The following PIGG variants were observed in gnomAD, a reference collection of about 807,000 sequenced individuals.
PIGG encodes the protein GPI ethanolamine phosphate transferase 2, catalytic subunit.
In PIGG, 70 loss-of-function variants were observed where a neutral mutation model predicts 83.2. The observed-to-expected ratio is 0.84, with a 90% CI of 0.69 to 1.03. PIGG has a LOEUF of 1.03. PIGG is among the 50% of genes least tolerant of loss of function. The pLI is 0.00. For missense variants in PIGG, 1,257 were observed against 1,233.6 expected (o/e 1.02, Z -0.28); for synonymous variants, 532 against 519.5 (o/e 1.02, Z -0.33).
At chr4:533,786 A>C in intron 11 of PIGG, 32 bp from the exon 12 acceptor site, 1 of 1,607,780 alleles carries the variant, frequency 6.2e-7, no homozygotes, top group Non-Finnish European at 8.5e-7. Flanking sequence ...ACGTGTTGTG[A>C]GGCCTTTGTC....
chr4:524,127 G>C (rs1339695501), intron 9 of PIGG, among the ~76,000 whole-genome samples: 2 of 152,222 alleles, frequency 1.3e-5, no homozygotes, highest in Non-Finnish European at 2.9e-5. Context: ...TAGCCTAACA[G>C]GTTTCATTTA....
At chr4:538,810 G>C (rs1225901228) in intron 12 of PIGG, among the ~76,000 whole-genome samples, 1 of 152,170 alleles carries the variant, frequency 6.6e-6, no homozygotes, top group Non-Finnish European at 1.5e-5. Flanking sequence ...AGAGCTCAAG[G>C]TGTGTGTGGG....
chr4:505,601 C>A, intron 2 of PIGG, 117 bp from the exon 3 acceptor site: 2 of 693,346 alleles, frequency 2.9e-6, no homozygotes, highest in Non-Finnish European at 2.4e-6. Context: ...TGACTGCACT[C>A]CATCCTGAGC....
At chr4:512,487 A>AT (rs1560301146) in intron 5 of PIGG, among the ~76,000 whole-genome samples, 2 of 151,752 alleles carry the variant, frequency 1.3e-5, no homozygotes, top group African/African-American at 2.4e-5. Context: ...CCATTATCAT[A>AT]TTTTTTTAAC....
chr4:518,099 T>A (rs956878442), intron 6 of PIGG, among the ~76,000 whole-genome samples: 1 of 152,160 alleles, frequency 6.6e-6, no homozygotes, highest in African/African-American at 2.4e-5. Context: ...CCGGATGTGA[T>A]GAGTGTCTGG....
Position 527,250 on chromosome 4 carries a change from G to C in PIGG, c.2261+20G>C. The stretch of plus-strand genomic sequence containing the variant: ...TTCCAAGTAAGTGCGTGGCGGACAC[G>C]GGGTGCATAGAGCCACTTTACTGTT... On this transcript the variant is annotated intron_variant, in intron 10 of 12. Transcript: ENST00000453061. The C allele has an allele frequency of 1.3e-6, 2 of 1,554,702 alleles. No homozygotes were observed. Among genetic ancestry groups the C allele is most frequent in the Non-Finnish European group, 1.7e-6 (2 of 1,152,244 alleles).
intron 10 of PIGG, chr4:527,707 C>G (rs1284129340): frequency 1.0e-6 from 1 of 985,120 alleles, no homozygotes; most frequent in East Asian, 1.1e-4. Context: ...TTATAACGAG[C>G]CCCCGTAAGG....
intron 6 of PIGG, among the ~76,000 whole-genome samples, chr4:517,975 G>A (rs1724494907): frequency 6.6e-6 from 1 of 152,204 alleles, no homozygotes; most frequent in Non-Finnish European, 1.5e-5. Context: ...GAAGTAGAGG[G>A]ATACTATTAC....
intron 12 of PIGG, among the ~76,000 whole-genome samples, chr4:537,839 C>T (rs1379535569): frequency 1.3e-5 from 2 of 152,214 alleles, no homozygotes; most frequent in Non-Finnish European, 2.9e-5. Flanking sequence ...GGGCCAGAGA[C>T]AGCCCCGTCC....
intron 5 of PIGG, among the ~76,000 whole-genome samples, chr4:511,617 T>C (rs1441370135): frequency 6.6e-6 from 1 of 152,256 alleles, no homozygotes; most frequent in Non-Finnish European, 1.5e-5. Context: ...TTTTATATAA[T>C]TGCTTTTAAA....
intron 6 of PIGG, among the ~76,000 whole-genome samples, 173 bp from the exon 7 acceptor site, chr4:520,883 G>A (rs1406198548): frequency 6.6e-6 from 1 of 152,254 alleles, no homozygotes; most frequent in Non-Finnish European, 1.5e-5. Flanking sequence ...CAGCTTTACA[G>A]AAGGCGTTGC....
At position 518,313 on chromosome 4, in the gene PIGG, G is replaced by T. The variant is rs576015149; in HGVS notation, c.1114+2128G>T. Among the ~76,000 whole-genome samples the T allele has an allele frequency of 5.3e-5, 8 of 152,336 alleles. No homozygotes were observed. The South Asian group carries it at 1.5e-3, about 28-fold the overall frequency. ...AGTGATAAAAACACCAACAAAATTGGCCAGGTGTGGTGGCTCACGCCTGTC... is the reference window on the plus strand; with the variant it reads ...AGTGATAAAAACACCAACAAAATTGTCCAGGTGTGGTGGCTCACGCCTGTC... On this transcript the variant is annotated intron_variant, in intron 6 of 12. Transcript: ENST00000453061.
In PIGG at chr4:507,659, C is replaced by G. The variant is rs1720232090; in HGVS notation, c.759+66C>G. On this transcript the variant is annotated intron_variant, in intron 4 of 12. Coordinates refer to ENST00000453061, the MANE Select transcript of PIGG (RefSeq NM_001127178.3). The stretch of plus-strand genomic sequence containing the variant: ...ACGTGGATGTTCCCTAGAATAAATG[C>G]AACCGCCTGAGTTATTCAGGGTGCC... The G allele has an allele frequency of 5.2e-6, 7 of 1,356,354 alleles. No individual in the cohort carries two copies. In the South Asian group the frequency reaches 8.2e-5, roughly 16 times the overall value. 84.0% of individuals were successfully genotyped at this position (1,356,354 alleles called of 1,614,324 possible).
At chr4:529,171 C>T (rs1284625923) in intron 10 of PIGG, among the ~76,000 whole-genome samples, 2 of 152,232 alleles carry the variant, frequency 1.3e-5, no homozygotes, top group African/African-American at 2.4e-5. Context: ...TGATGCCCCT[C>T]CTGCTCATCA....
chr4:516,283 G>T, intron 6 of PIGG, 98 bp downstream of exon 6: 2 of 790,604 alleles, frequency 2.5e-6, no homozygotes, highest in Non-Finnish European at 2.2e-6. Context: ...TTTGTCACAG[G>T]AGTATTTTTT....
rs1728176541 is a variant in PIGG, at chr4:528,140, GTC to G, written c.2261+912_2261+913del. 1.0e-6 allele frequency: 1 copy of G among 985,260 alleles called. No homozygotes were observed. Among genetic ancestry groups the G allele is most frequent in the African/African-American group, 1.7e-5 (1 of 57,216 alleles). 61.0% of individuals were successfully genotyped at this position (985,260 alleles called of 1,614,324 possible). On this transcript the variant is annotated intron_variant, in intron 10 of 12. Transcript: ENST00000453061. The surrounding 1 kb of genome is among the most constrained non-coding windows in gnomAD (Gnocchi z 4.8). ...AGTGAGGTCGGTGCTCTGCAGAGGG[GTC>G]TTCTGGCTGTTAGGCAGCCTATTTT... is the stretch of plus-strand genomic sequence containing the variant.
At chr4:526,256 AC>A (rs1441783383) in intron 9 of PIGG, among the ~76,000 whole-genome samples, 4 of 152,332 alleles carry the variant, frequency 2.6e-5, no homozygotes, top group Non-Finnish European at 5.9e-5. Context: ...ACACCCAGGT[AC>A]CCCTTCCCGG....
intron 12 of PIGG, among the ~76,000 whole-genome samples, chr4:534,289 C>T (rs1013527652): frequency 1.3e-5 from 2 of 152,150 alleles, no homozygotes; most frequent in Non-Finnish European, 2.9e-5. Flanking sequence ...AAGGAAAATT[C>T]CTTTTCCCGC....
rs1719482447 is a variant in PIGG, at chr4:505,828, A to C, written c.471A>C (p.Arg157Ser). The change falls in exon 3 of 13, where the codon AGA (arginine) becomes AGC (serine). Residue 157 changes from arginine (R) to serine (S), a missense_variant. Coordinates refer to ENST00000453061, the MANE Select transcript of PIGG (RefSeq NM_001127178.3). The stretch of plus-strand genomic sequence containing the variant: ...GACAAGCAAAAGCAGCTGGAAAAAG[A>C]ATAGTCTTTTATGGAGATGAAACCT... Reference protein sequence around the residue: ...VIRQAKAAGKRIVFYGDETWV... With the variant: ...VIRQAKAAGKSIVFYGDETWV... 5 of 1,613,518 alleles carry C rather than the reference A, an allele frequency of 3.1e-6. No homozygotes were observed. Among genetic ancestry groups the C allele is most frequent in the African/African-American group, 1.3e-5 (1 of 74,842 alleles).
Sources: gnomAD v4.1 joint callset for allele counts (sites outside exome capture counted in the v4.1 genomes callset) on GRCh38, gnomAD v4.1.1 for gene constraint, Gnocchi (gnomAD v3.1) non-coding constraint, MANE v1.5 for transcripts, NCBI Gene and HGNC (gene_info 2026-07-23, HGNC 2026-07-21) for gene names.